SLC44A5: variants seen among roughly 807,000 people sequenced by gnomAD.
The protein encoded by SLC44A5 is solute carrier family 44 member 5, also known as choline transporter-like protein 5.
In SLC44A5, 57 loss-of-function variants were observed where a neutral mutation model predicts 101.8. The observed-to-expected ratio is 0.56, with a 90% CI of 0.45 to 0.70. The LOEUF is 0.70. Ranked by LOEUF, SLC44A5 falls within the 30% of genes least tolerant of loss-of-function variation. SLC44A5 has a pLI of 0.00. For synonymous variants in SLC44A5, 281 were observed against 290.9 expected (o/e 0.97, Z 0.35); for missense variants, 737 against 853.1 (o/e 0.86, Z 1.70).
chr1:75,228,588 T>C (rs1181504402), intron 12 of SLC44A5, among the ~76,000 whole-genome samples: 1 of 151,962 alleles, frequency 6.6e-6, no homozygotes, highest in African/African-American at 2.4e-5. Flanking sequence ...TTCTATGTTC[T>C]TAATTTTGCT....
chr1:75,582,115 A>G, intron 1 of SLC44A5: 1 of 735,708 alleles, frequency 1.4e-6, no homozygotes, highest in Non-Finnish European at 2.5e-6. Flanking sequence ...TCCAAGAACC[A>G]CACCACACAC....
Position 75,317,839 on chromosome 1 carries a change from C to T in SLC44A5, c.102-17154G>A, listed in dbSNP as rs1034212013. Among the ~76,000 whole-genome samples, 3 of 152,062 alleles carry T rather than the reference C, an allele frequency of 2.0e-5. No individual in the cohort carries two copies. In the South Asian group the frequency reaches 6.2e-4, roughly 32 times the overall value. On this transcript the variant is annotated intron_variant, in intron 4 of 23. Coordinates refer to ENST00000370859, the MANE Select transcript of SLC44A5 (RefSeq NM_001130058.2). Reference sequence around the variant, plus strand: ...AGGTCACTAATCCCATCAGTAGGACCCACCCTTATGGCCTTCTCTAAACCT... The same window carrying T: ...AGGTCACTAATCCCATCAGTAGGACTCACCCTTATGGCCTTCTCTAAACCT...
the SLC44A5 span, among the ~76,000 whole-genome samples, chr1:75,700,895 T>A: frequency 1.3e-5 from 2 of 152,162 alleles, no homozygotes; most frequent in African/African-American, 2.4e-5. Context: ...GCAAATAAAC[T>A]GGAAAATCTA....
At chr1:75,351,893 A>G (rs1357433724) in intron 3 of SLC44A5, among the ~76,000 whole-genome samples, 1 of 148,482 alleles carries the variant, frequency 6.7e-6, no homozygotes, top group Non-Finnish European at 1.5e-5. Flanking sequence ...AAAGGAAAAG[A>G]AAAAGAAAAG....
At chr1:75,297,087 G>A (rs1376268312) in intron 5 of SLC44A5, among the ~76,000 whole-genome samples, 1 of 152,104 alleles carries the variant, frequency 6.6e-6, no homozygotes, top group African/African-American at 2.4e-5. Context: ...CAGAGTTCTG[G>A]TCTTGTTTGC....
intron 2 of SLC44A5, among the ~76,000 whole-genome samples, chr1:75,430,194 C>T (rs1664536605): frequency 6.6e-6 from 1 of 152,080 alleles, no homozygotes. Flanking sequence ...TATAAAAGGG[C>T]TTAATGAAGT....
At chr1:75,212,967 A>T (rs1646887599) in intron 22 of SLC44A5, among the ~76,000 whole-genome samples, 1 of 152,160 alleles carries the variant, frequency 6.6e-6, no homozygotes. Flanking sequence ...CCTGCAGGGA[A>T]TTGCCTCACC....
intron 14 of SLC44A5, among the ~76,000 whole-genome samples, chr1:75,222,030 G>A (rs1317215358): frequency 6.7e-6 from 1 of 149,686 alleles, no homozygotes. Flanking sequence ...CACGATCTCA[G>A]CTCACCGCAA....
At chr1:75,675,659 C>T in the SLC44A5 span, among the ~76,000 whole-genome samples, 1 of 152,068 alleles carries the variant, frequency 6.6e-6, no homozygotes, top group East Asian at 1.9e-4. Flanking sequence ...GATTTCATGA[C>T]AAAAACATCA....
intron 1 of SLC44A5, among the ~76,000 whole-genome samples, chr1:75,606,181 C>T (rs1219475610): frequency 6.6e-6 from 1 of 151,854 alleles, no homozygotes; most frequent in Non-Finnish European, 1.5e-5. Flanking sequence ...AGATGACTGG[C>T]AAACTCTTGT....
intron 1 of SLC44A5, among the ~76,000 whole-genome samples, chr1:75,592,760 A>G (rs1462245609): frequency 6.6e-6 from 1 of 152,110 alleles, no homozygotes; most frequent in Non-Finnish European, 1.5e-5. Flanking sequence ...GATTCTCCTC[A>G]ACAAATGGTG....
At chr1:75,283,056 C>A (rs1652742223) in intron 5 of SLC44A5, among the ~76,000 whole-genome samples, 1 of 152,124 alleles carries the variant, frequency 6.6e-6, no homozygotes, top group African/African-American at 2.4e-5. Flanking sequence ...GGCAGATCTA[C>A]TTTTAGTTCT....
intron 2 of SLC44A5, among the ~76,000 whole-genome samples, chr1:75,492,336 A>C (rs192029861): frequency 6.6e-6 from 1 of 152,156 alleles, no homozygotes; most frequent in African/African-American, 2.4e-5. Flanking sequence ...TAACAGAAAC[A>C]TTTTCTGAGA....
intron 19 of SLC44A5, 142 bp from the exon 20 acceptor site, chr1:75,214,820 TGG>T: frequency 4.6e-6 from 3 of 646,322 alleles, no homozygotes; most frequent in South Asian, 4.1e-5. Flanking sequence ...TGTGTATTTG[TGG>T]GACACACTGT....
intron 3 of SLC44A5, among the ~76,000 whole-genome samples, chr1:75,352,715 T>A (rs995261163): frequency 1.3e-5 from 2 of 152,156 alleles, no homozygotes; most frequent in South Asian, 4.1e-4. Context: ...TCAAAAAGTT[T>A]GGCATGATCT....
chr1:75,603,219 C>T (rs1190506816), intron 1 of SLC44A5, among the ~76,000 whole-genome samples: 6 of 151,950 alleles, frequency 3.9e-5, no homozygotes, highest in African/African-American at 9.7e-5. Flanking sequence ...CACTTATAAG[C>T]GAGAACATGT....
chr1:75,423,546 C>A (rs1664136026), intron 2 of SLC44A5, among the ~76,000 whole-genome samples: 1 of 152,174 alleles, frequency 6.6e-6, no homozygotes, highest in African/African-American at 2.4e-5. Flanking sequence ...AGAAATGAAG[C>A]TTTCGCATCA....
chr1:75,557,653 A>G (rs925704639), intron 1 of SLC44A5, among the ~76,000 whole-genome samples: 10 of 152,126 alleles, frequency 6.6e-5, no homozygotes, highest in South Asian at 4.1e-4. Context: ...GAAGACATAA[A>G]TATTTTCAAA....
chr1:75,498,983 C>T (rs1051853499), intron 2 of SLC44A5, among the ~76,000 whole-genome samples: 1 of 152,112 alleles, frequency 6.6e-6, no homozygotes, highest in Non-Finnish European at 1.5e-5. Flanking sequence ...ATTCTAATAC[C>T]ATATTTTTAC....
Sources: allele counts gnomAD v4.1 joint callset (sites outside exome capture counted in the v4.1 genomes callset), GRCh38; gene constraint gnomAD v4.1.1; transcripts MANE v1.5; gene names NCBI Gene and HGNC (gene_info 2026-07-23, HGNC 2026-07-21).